The following CACNA1D variants were observed in gnomAD, a reference collection of about 807,000 sequenced individuals.
CACNA1D encodes the protein voltage-dependent L-type calcium channel subunit alpha-1D.
Under a neutral mutation model 257.1 loss-of-function variants are expected in CACNA1D, and 55 were observed. The ratio of observed to expected loss-of-function variants is 0.21; its 90% CI spans 0.17 to 0.27. The LOEUF is 0.27. CACNA1D is among the 10% of genes least tolerant of loss of function. The probability of loss-of-function intolerance (pLI) is 1.00; values close to 1 mark genes in which losing one functional copy is unlikely to be tolerated. For missense variants in CACNA1D, 1,876 were observed against 2,784.0 expected (o/e 0.67, Z 7.34); for synonymous variants, 980 against 1,014.9 (o/e 0.97, Z 0.65).
At chr3:53,522,232 C>A (rs1367903504) in intron 3 of CACNA1D, among the ~76,000 whole-genome samples, 1 of 152,178 alleles carries the variant, frequency 6.6e-6, no homozygotes, top group East Asian at 1.9e-4. Flanking sequence ...TCCTGTTGGG[C>A]AGCACTGGCT....
intron 3 of CACNA1D, among the ~76,000 whole-genome samples, chr3:53,574,768 A>C (rs2093007455): frequency 6.6e-6 from 1 of 151,864 alleles, no homozygotes; most frequent in South Asian, 2.1e-4. Context: ...TTACACACAC[A>C]CACCCAACCT....
chr3:53,724,283 T>C (rs1468043470), intron 14 of CACNA1D, among the ~76,000 whole-genome samples: 1 of 152,222 alleles, frequency 6.6e-6, no homozygotes, highest in African/African-American at 2.4e-5. Flanking sequence ...AAGAAAACTT[T>C]TTGATTGATT....
intron 3 of CACNA1D, among the ~76,000 whole-genome samples, chr3:53,646,011 C>T (rs540174420): frequency 9.2e-5 from 14 of 152,304 alleles, no homozygotes; most frequent in African/African-American, 3.1e-4. Context: ...CGTTTTTGGC[C>T]CTGTATCACA....
chr3:53,530,976 T>G (rs1462178391), intron 3 of CACNA1D, among the ~76,000 whole-genome samples: 1 of 151,448 alleles, frequency 6.6e-6, no homozygotes, highest in East Asian at 1.9e-4. Context: ...GCCTCCCGAG[T>G]AGCTGGGACT....
intron 3 of CACNA1D, among the ~76,000 whole-genome samples, chr3:53,628,899 G>A (rs2093789821): frequency 6.6e-6 from 1 of 152,228 alleles, no homozygotes; most frequent in South Asian, 2.1e-4. Context: ...CTTAGAAGAA[G>A]GAACAAGGCT....
At chr3:53,551,923 CT>C (rs1329259712) in intron 3 of CACNA1D, among the ~76,000 whole-genome samples, 2 of 152,194 alleles carry the variant, frequency 1.3e-5, no homozygotes, top group African/African-American at 4.8e-5. Context: ...CTCTTCCTGC[CT>C]CATCTGTGAC....
intron 3 of CACNA1D, among the ~76,000 whole-genome samples, chr3:53,569,290 C>T (rs1424722197): frequency 6.6e-6 from 1 of 152,212 alleles, no homozygotes; most frequent in African/African-American, 2.4e-5. Flanking sequence ...TTCTCACATC[C>T]CTCTGCCCTT....
chr3:53,806,150 C>T (rs1262988181), intron 45 of CACNA1D, among the ~76,000 whole-genome samples: 2 of 142,992 alleles, frequency 1.4e-5, no homozygotes, highest in Non-Finnish European at 3.1e-5. Context: ...CTACCCTCCT[C>T]CTCCTTCTTT....
At chr3:53,787,020 A>G in intron 40 of CACNA1D, 68 bp downstream of exon 40, 1 of 1,516,584 alleles carries the variant, frequency 6.6e-7, no homozygotes, top group Non-Finnish European at 9.1e-7. Context: ...GAAATACTAG[A>G]GAGCTGCCTA....
intron 3 of CACNA1D, among the ~76,000 whole-genome samples, chr3:53,626,020 C>T (rs2093754437): frequency 6.6e-6 from 1 of 152,170 alleles, no homozygotes; most frequent in Admixed American, 6.5e-5. Context: ...AGGTCTGCTG[C>T]TTTGGGTTTC....
intron 28 of CACNA1D, among the ~76,000 whole-genome samples, chr3:53,752,140 A>T (rs987828651): frequency 6.6e-6 from 1 of 152,226 alleles, no homozygotes; most frequent in Non-Finnish European, 1.5e-5. Context: ...TAACATTTCC[A>T]TGGAGCCTGG....
chr3:53,596,363 C>A (rs1287894539), intron 3 of CACNA1D, among the ~76,000 whole-genome samples: 1 of 152,090 alleles, frequency 6.6e-6, no homozygotes, highest in Non-Finnish European at 1.5e-5. Flanking sequence ...GGAGAGTCTG[C>A]CAGGAGATAG....
intron 37 of CACNA1D, among the ~76,000 whole-genome samples, chr3:53,779,437 ATATATGTG>A (rs1324069609): frequency 7.9e-5 from 12 of 152,062 alleles, no homozygotes; most frequent in African/African-American, 2.9e-4. Flanking sequence ...ATTTGTGTGT[ATATATGTG>A]TATATGTATA....
intron 9 of CACNA1D, 140 bp from the exon 10 acceptor site, chr3:53,718,161 C>T: frequency 2.7e-6 from 2 of 753,682 alleles, no homozygotes; most frequent in East Asian, 5.1e-5. Flanking sequence ...CTCCCTTAGC[C>T]CAGCTGAGGC....
rs1365732034 is a variant in CACNA1D at position 53,813,404 on chromosome 3, G to A, written c.*1998G>A. The A allele has an allele frequency of 6.6e-6, 1 of 152,232 alleles. No homozygotes were observed. The highest frequency in any genetic ancestry group is 1.5e-5 in the Non-Finnish European group (1 of 68,044). The allele number at this position is 152,232 out of a possible 1,614,324, so 9.4% of individuals were successfully genotyped here. On this transcript the variant is annotated 3_prime_UTR_variant, in exon 48 of 48. Coordinates refer to ENST00000350061, the MANE Select transcript of CACNA1D (RefSeq NM_001128840.3). ...ACAGGGCAGGTACTGTGCCAGGGCA[G>A]CTCTGAAATTATGGATATTCTTATC...
chr3:53,662,765 C>T (rs1021549560), intron 5 of CACNA1D, among the ~76,000 whole-genome samples: 2 of 152,178 alleles, frequency 1.3e-5, no homozygotes, highest in Non-Finnish European at 2.9e-5. Flanking sequence ...TGTTCACAGT[C>T]GGATACAACT....
intron 29 of CACNA1D, among the ~76,000 whole-genome samples, chr3:53,758,079 G>T (rs1410130900): frequency 6.6e-6 from 1 of 152,194 alleles, no homozygotes; most frequent in African/African-American, 2.4e-5. Flanking sequence ...GGAATAAAGG[G>T]ATGATCCTGG....
intron 3 of CACNA1D, among the ~76,000 whole-genome samples, chr3:53,615,758 T>C (rs1432023511): frequency 6.6e-6 from 1 of 152,248 alleles, no homozygotes; most frequent in African/African-American, 2.4e-5. Flanking sequence ...AACAGAATTC[T>C]ACTCTTCAGG....
At position 53,810,032 on chromosome 3, in the gene CACNA1D, C is replaced by T. The variant is rs1435418771; in HGVS notation, c.5926C>T (p.His1976Tyr). ...TAAAGCCCAGAAGTACTCACCGAGT[C>T]ACTCGACCCGGTCGTGGGCCACCCC... ...SSKAQKYSPS[H>Y]STRSWATPPA... is the part of the protein sequence containing the mutation. Residue 1976 changes from histidine (H) to tyrosine (Y), a missense_variant, in exon 47 of 48, where the codon CAC becomes TAC. His to Tyr is a moderately conservative substitution (Grantham distance 83). Around this residue, in one of 10 missense-constraint regions of CACNA1D, gnomAD observed 491 missense variants for 554.3 expected, o/e 0.89. Coordinates refer to ENST00000350061, the MANE Select transcript of CACNA1D (RefSeq NM_001128840.3). The T allele has an allele frequency of 2.5e-6, 4 of 1,614,060 alleles. No homozygotes were observed. The South Asian group carries it at 3.3e-5, about 13-fold the overall frequency.
Sources: allele counts gnomAD v4.1 joint callset (sites outside exome capture counted in the v4.1 genomes callset), GRCh38; gene constraint gnomAD v4.1.1; regional missense constraint gnomAD v4.1.1; transcripts MANE v1.5; gene names NCBI Gene and HGNC (gene_info 2026-07-23, HGNC 2026-07-21).